ANKIB1: variants seen among roughly 807,000 people sequenced by gnomAD.
ANKIB1 encodes ankyrin repeat and IBR domain-containing protein 1.
In ANKIB1, 43 loss-of-function variants were observed where a neutral mutation model predicts 122.1. The observed-to-expected ratio is 0.35, with a 90% CI of 0.28 to 0.45. The LOEUF is 0.45. ANKIB1 is among the 20% of genes least tolerant of loss of function. The probability of loss-of-function intolerance (pLI) is 1.00; values close to 1 mark genes in which losing one functional copy is unlikely to be tolerated. For missense variants in ANKIB1, 992 were observed against 1,329.5 expected (o/e 0.75, Z 3.95); for synonymous variants, 390 against 442.0 (o/e 0.88, Z 1.48).
At chr7:92,382,425 A>C (rs1585136387) in intron 11 of ANKIB1, among the ~76,000 whole-genome samples, 1 of 152,212 alleles carries the variant, frequency 6.6e-6, no homozygotes, top group South Asian at 2.1e-4. Flanking sequence ...CCCCAAATCA[A>C]CAGAATATAC....
intron 14 of ANKIB1, 134 bp from the exon 15 acceptor site, chr7:92,389,837 T>C: frequency 1.2e-6 from 1 of 861,046 alleles, no homozygotes; most frequent in Admixed American, 3.1e-5. Flanking sequence ...AGTATTTTCA[T>C]ACAGTTACTT....
intron 2 of ANKIB1, among the ~76,000 whole-genome samples, chr7:92,301,852 T>G (rs563323838): frequency 6.6e-6 from 1 of 152,212 alleles, no homozygotes; most frequent in African/African-American, 2.4e-5. Flanking sequence ...AGTTGATGAC[T>G]ATTACTTTCT....
In ANKIB1 at chr7:92,319,093, T is replaced by A. The variant is rs543206221; in HGVS notation, c.487-237T>A. 4.9e-4 allele frequency among the ~76,000 whole-genome samples: 74 copies of A among 152,234 alleles called. No individual in the cohort carries two copies. In the South Asian group the frequency reaches 9.3e-3, roughly 19 times the overall value. On this transcript the variant is annotated intron_variant, in intron 3 of 19. Transcript: ENST00000265742. ...TTAAAAAATTGGTTTTGGGTTTTTT[T>A]AAATTATTTTTTAACAAGACGAAGT...
At chr7:92,309,940 A>ATATATATAT (rs57536267) in intron 3 of ANKIB1, among the ~76,000 whole-genome samples, 13 of 105,292 alleles carry the variant, frequency 1.2e-4, no homozygotes, top group African/African-American at 4.6e-4. Flanking sequence ...AAAAAAAAAA[A>ATATATATAT]AAATATATAT....
At chr7:92,281,217 G>T (rs1318115651) in intron 1 of ANKIB1, among the ~76,000 whole-genome samples, 1 of 152,210 alleles carries the variant, frequency 6.6e-6, no homozygotes, top group African/African-American at 2.4e-5. Context: ...GTTCCTTAGA[G>T]ACTCGGTGTC....
intron 1 of ANKIB1, among the ~76,000 whole-genome samples, chr7:92,250,460 A>T (rs1163844563): frequency 6.6e-6 from 1 of 152,234 alleles, no homozygotes; most frequent in East Asian, 1.9e-4. Flanking sequence ...CATTGTTTAA[A>T]CTTTTGAAAA....
intron 1 of ANKIB1, among the ~76,000 whole-genome samples, chr7:92,268,897 G>C (rs937778374): frequency 2.0e-5 from 3 of 152,164 alleles, no homozygotes; most frequent in African/African-American, 7.2e-5. Flanking sequence ...AAGTTTAAGG[G>C]ATCTAAGGGA....
intron 1 of ANKIB1, among the ~76,000 whole-genome samples, chr7:92,249,928 G>A (rs1006784917): frequency 2.0e-5 from 3 of 152,036 alleles, no homozygotes; most frequent in Non-Finnish European, 4.4e-5. Context: ...ACAGAATCTT[G>A]TGTATAGTAT....
At chr7:92,386,478 G>A (rs771702763) in intron 11 of ANKIB1, 31 bp from the exon 12 acceptor site, 11 of 1,559,740 alleles carry the variant, frequency 7.1e-6, no homozygotes, top group African/African-American at 1.4e-5. Context: ...TTAATATGGG[G>A]AGATGTTTTC....
intron 2 of ANKIB1, among the ~76,000 whole-genome samples, chr7:92,298,471 G>A (rs1278701705): frequency 6.6e-6 from 1 of 151,818 alleles, no homozygotes; most frequent in African/African-American, 2.4e-5. Context: ...TTATAGTAGA[G>A]TTTACAAATA....
intron 3 of ANKIB1, among the ~76,000 whole-genome samples, chr7:92,317,745 G>A (rs1236836016): frequency 2.6e-5 from 4 of 152,172 alleles, no homozygotes; most frequent in Non-Finnish European, 5.9e-5. Flanking sequence ...TAGGAGAACC[G>A]TGAGGATTCC....
chr7:92,350,712 C>T (rs934214093), intron 7 of ANKIB1, among the ~76,000 whole-genome samples: 1 of 152,112 alleles, frequency 6.6e-6, no homozygotes, highest in Non-Finnish European at 1.5e-5. Context: ...TAAAAATTAG[C>T]CCAGCATAGC....
intron 11 of ANKIB1, among the ~76,000 whole-genome samples, chr7:92,373,155 T>G (rs1804311344): frequency 6.6e-6 from 1 of 152,104 alleles, no homozygotes; most frequent in African/African-American, 2.4e-5. Context: ...GAGCAAAATA[T>G]TCAAAAGTGT....
intron 5 of ANKIB1, among the ~76,000 whole-genome samples, chr7:92,330,736 G>A (rs972785561): frequency 1.3e-5 from 2 of 152,142 alleles, no homozygotes; most frequent in Non-Finnish European, 2.9e-5. Context: ...CAGCTACTTA[G>A]GAGGCTGAGG....
At position 92,392,905 on chromosome 7, in the gene ANKIB1, G is replaced by A. The variant is rs184156310; in HGVS notation, c.2283+613G>A. On this transcript the variant is annotated intron_variant, in intron 17 of 19. Coordinates refer to ENST00000265742, the MANE Select transcript of ANKIB1 (RefSeq NM_019004.2). ...TTGTGGCAAATAAAAATAAGACAGA[G>A]TGAAACTCTTAATCACATAGCTGTT... is the stretch of plus-strand genomic sequence containing the variant. Among the ~76,000 whole-genome samples the A allele has an allele frequency of 5.9e-5, 9 of 152,124 alleles. No homozygotes were observed. In the East Asian group the frequency reaches 7.7e-4, roughly 13 times the overall value.
intron 4 of ANKIB1, among the ~76,000 whole-genome samples, chr7:92,322,676 A>G (rs1435021059): frequency 6.6e-6 from 1 of 152,174 alleles, no homozygotes; most frequent in East Asian, 1.9e-4. Flanking sequence ...ACAATATATC[A>G]TGAACATCTC....
intron 2 of ANKIB1, among the ~76,000 whole-genome samples, chr7:92,302,694 A>G (rs1802481735): frequency 2.0e-5 from 3 of 152,208 alleles, no homozygotes; most frequent in Admixed American, 6.5e-5. Context: ...AGCACATGTT[A>G]ATATCAAAGT....
rs753491735 is a variant in ANKIB1 at position 92,246,490 on chromosome 7, C to T, written c.-120C>T. ...GGAACTGCGGAGTTGCTGGGTCCAC[C>T]GACCCTTACCCTCAGCGAGAGAAGT... On this transcript the variant is annotated 5_prime_UTR_variant, in exon 1 of 20. Coordinates refer to ENST00000265742, the MANE Select transcript of ANKIB1 (RefSeq NM_019004.2). 7.7e-6 allele frequency: 4 copies of T among 518,446 alleles called. No individual in the cohort carries two copies. Among genetic ancestry groups the T allele is most frequent in the South Asian group, 5.6e-5 (4 of 71,518 alleles). 32.1% of individuals were successfully genotyped at this position (518,446 alleles called of 1,614,324 possible).
chr7:92,268,573 GT>G (rs767793269), intron 1 of ANKIB1, among the ~76,000 whole-genome samples: 2 of 152,148 alleles, frequency 1.3e-5, no homozygotes, highest in Non-Finnish European at 2.9e-5. Flanking sequence ...TGCCTTCTGG[GT>G]TCAAGCAATC....
Sources: gnomAD v4.1 joint callset for allele counts (sites outside exome capture counted in the v4.1 genomes callset) on GRCh38, gnomAD v4.1.1 for gene constraint, MANE v1.5 for transcripts, NCBI Gene and HGNC (gene_info 2026-07-23, HGNC 2026-07-21) for gene names.